The following TLX1 variants were observed in gnomAD, a reference collection of about 807,000 sequenced individuals.
The protein encoded by TLX1 is T-cell leukemia homeobox protein 1.
Under a neutral mutation model 26.5 loss-of-function variants are expected in TLX1, and 6 were observed. That is an observed-to-expected ratio of 0.23 (90% confidence interval 0.12 to 0.45). The LOEUF is 0.45. Among genes scored for constraint, TLX1 ranks in the 20% least tolerant of loss-of-function variants. The pLI is 0.99. For missense variants in TLX1, 418 were observed against 482.6 expected (o/e 0.87, Z 1.25); for synonymous variants, 217 against 219.7 (o/e 0.99, Z 0.11).
rs764284338 is a variant in TLX1, at chr10:101,132,054, C to A, written c.513C>A (p.Gly171=). Residue 171 remains glycine (G), a synonymous_variant, in exon 1 of 3, where the codon GGC becomes GGA. Transcript: ENST00000370196. This position sits in a 1 kb window ranked among gnomAD's most constrained non-coding sequence, Gnocchi z 4.1. The part of the protein sequence containing the change: ...PAMPGVNNLT[G]LTFPWMESNR... ...TGCCGGGCGTCAACAACCTCACTGGCCTCACCTTCCCCTGGATGGAGAGTA... is the reference window on the plus strand; with the variant it reads ...TGCCGGGCGTCAACAACCTCACTGGACTCACCTTCCCCTGGATGGAGAGTA... 11 of 1,495,516 alleles carry A rather than the reference C, an allele frequency of 7.4e-6. No individual in the cohort carries two copies. The highest frequency in any genetic ancestry group is 1.4e-5 in the African/African-American group (1 of 69,046). The allele number at this position is 1,495,516 out of a possible 1,614,324, so 92.6% of individuals were successfully genotyped here.
chr10:101,136,161 A>T (rs566909973), intron 2 of TLX1, among the ~76,000 whole-genome samples: 1 of 152,350 alleles, frequency 6.6e-6, no homozygotes, highest in African/African-American at 2.4e-5. Flanking sequence ...GTCCAGCAGG[A>T]GCCCCGGTAG....
At position 101,134,873 on chromosome 10, in the gene TLX1, C is replaced by G. The variant is rs1050662415; in HGVS notation, c.770+497C>G. On this transcript the variant is annotated intron_variant, in intron 2 of 2. Coordinates refer to ENST00000370196, the MANE Select transcript of TLX1 (RefSeq NM_005521.4). ...GCGGCCCTGCTGACGGTCTCCTCCCCCAGACACCCGGCCTTTGCGCAGCCG... is the reference window on the plus strand; with the variant it reads ...GCGGCCCTGCTGACGGTCTCCTCCCGCAGACACCCGGCCTTTGCGCAGCCG... Among the ~76,000 whole-genome samples the G allele has an allele frequency of 7.2e-5, 11 of 152,358 alleles. No homozygotes were observed. The East Asian group carries it at 1.9e-3, about 27-fold the overall frequency.
rs771395705 is a variant in TLX1 at position 101,131,826 on chromosome 10, T to C, written c.285T>C (p.Gly95=). The C allele has an allele frequency of 2.9e-6, 4 of 1,400,334 alleles. No homozygotes were observed. The highest frequency in any genetic ancestry group is 1.6e-5 in the South Asian group (1 of 61,502). The allele number at this position is 1,400,334 out of a possible 1,614,324, so 86.7% of individuals were successfully genotyped here. Residue 95 remains glycine (G), a synonymous_variant, in exon 1 of 3, where the codon GGT becomes GGC. Coordinates refer to ENST00000370196, the MANE Select transcript of TLX1 (RefSeq NM_005521.4). The part of the protein sequence containing the change: ...PAGGGGACSM[G]PLTGSYNVNM... ...GCGGCGGCGGCGCCTGCAGCATGGG[T>C]CCTCTGACCGGCTCCTACAACGTGA... is the stretch of plus-strand genomic sequence containing the variant.
At chr10:101,134,920 A>C (rs942650247) in intron 2 of TLX1, among the ~76,000 whole-genome samples, 1 of 152,166 alleles carries the variant, frequency 6.6e-6, no homozygotes, top group Non-Finnish European at 1.5e-5. Context: ...GGAAGGAGAA[A>C]ATCAATCCGC....
At position 101,134,304 on chromosome 10, in the gene TLX1, C is replaced by T; in HGVS notation, c.698C>T (p.Ala233Val). ...TACCTGGCCTCGGCCGAGCGCGCCGCCCTGGCCAAGGCGCTCAAAATGACC... is the reference window on the plus strand; with the variant it reads ...TACCTGGCCTCGGCCGAGCGCGCCGTCCTGGCCAAGGCGCTCAAAATGACC... ...QKYLASAERA[A>V]LAKALKMTDA... Residue 233 changes from alanine (A) to valine (V), a missense_variant, in exon 2 of 3, where the codon GCC (alanine) becomes GTC (valine). Ala to Val is a moderately conservative substitution (Grantham distance 64). This residue lies in a region of TLX1 where 18 missense variants were observed against 45.8 expected (regional missense o/e 0.39). Transcript: ENST00000370196. 6.2e-7 allele frequency: 1 copy of T among 1,612,462 alleles called. No homozygotes were observed. Among genetic ancestry groups the T allele is most frequent in the Non-Finnish European group, 8.5e-7 (1 of 1,179,524 alleles).
Position 101,131,945 on chromosome 10 carries a change from C to T in TLX1, c.404C>T (p.Pro135Leu), listed in dbSNP as rs755013563. 6.9e-7 allele frequency: 1 copy of T among 1,449,930 alleles called. No individual in the cohort carries two copies. Among genetic ancestry groups the T allele is most frequent in the Non-Finnish European group, 9.0e-7 (1 of 1,106,396 alleles). 89.8% of individuals were successfully genotyped at this position (1,449,930 alleles called of 1,614,324 possible). A position where few individuals can be genotyped will look rare whatever the true frequency, so the allele number is the denominator to read the frequency against. ...ALSAAGVIRV[P>L]AHRPLAGAVA... Reference sequence around the variant, plus strand: ...AGCGCTGCGGGGGTAATCCGGGTGCCGGCACACAGGCCGCTCGCCGGAGCC... The same window carrying T: ...AGCGCTGCGGGGGTAATCCGGGTGCTGGCACACAGGCCGCTCGCCGGAGCC... Residue 135 changes from proline to leucine, a missense_variant, in exon 1 of 3, where the codon CCG becomes CTG. Pro to Leu is a moderately conservative substitution (Grantham distance 98). Coordinates refer to ENST00000370196, the MANE Select transcript of TLX1 (RefSeq NM_005521.4).
At chr10:101,135,461 T>A (rs1275247000) in intron 2 of TLX1, 1 of 154,408 alleles carries the variant, frequency 6.5e-6, no homozygotes, top group Non-Finnish European at 1.5e-5. Context: ...GGATGCGGCC[T>A]CAGACCTTGG....
In TLX1 at chr10:101,132,817, T is replaced by C. The variant is rs964632343; in HGVS notation, c.568+708T>C. On this transcript the variant is annotated intron_variant, in intron 1 of 2. Transcript: ENST00000370196. This position sits in a 1 kb window ranked among gnomAD's most constrained non-coding sequence, Gnocchi z 4.1. ...GGGCACGAACAATGCACCGGTAGGC[T>C]GGTGATCGGTGGCGGGAAGACTACT... 5.9e-5 allele frequency: 9 copies of C among 152,286 alleles called. No homozygotes were observed. Among genetic ancestry groups the C allele is most frequent in the African/African-American group, 2.2e-4 (9 of 41,454 alleles). The allele number at this position is 152,286 out of a possible 1,614,324, so 9.4% of individuals were successfully genotyped here. A position where few individuals can be genotyped will look rare whatever the true frequency, so the allele number is the denominator to read the frequency against.
At chr10:101,134,040 G>T in intron 1 of TLX1, 135 bp from the exon 2 acceptor site, 1 of 807,150 alleles carries the variant, frequency 1.2e-6, no homozygotes, top group East Asian at 2.8e-5. Context: ...GCTCGTGGGG[G>T]TTCAGCTGCT....
At position 101,137,112 on chromosome 10, in the gene TLX1, C is replaced by T. The variant is rs190562307; in HGVS notation, c.*199C>T. ...GAAGAGCTCAAGGGACAAGGACACG[C>T]GCCCCCCTCCCAGAGGCGTCCCGCA... On this transcript the variant is annotated 3_prime_UTR_variant, in exon 3 of 3. Transcript: ENST00000370196. 456 of 655,510 alleles carry T rather than the reference C, an allele frequency of 7.0e-4. 5 individuals are homozygous for T. In the Admixed American group the frequency reaches 0.012, roughly 17 times the overall value. 40.6% of individuals were successfully genotyped at this position (655,510 alleles called of 1,614,324 possible).
In TLX1 at chr10:101,134,312, A is replaced by C; in HGVS notation, c.706A>C (p.Lys236Gln). The C allele has an allele frequency of 1.2e-6, 2 of 1,612,008 alleles. No individual in the cohort carries two copies. The highest frequency in any genetic ancestry group is 8.5e-7 in the Non-Finnish European group (1 of 1,179,398). The part of the protein sequence containing the change: ...LASAERAALA[K>Q]ALKMTDAQVK... ...CTCGGCCGAGCGCGCCGCCCTGGCC[A>C]AGGCGCTCAAAATGACCGATGCGCA... Residue 236 changes from lysine to glutamine, a missense_variant, in exon 2 of 3, where the codon AAG becomes CAG. By Grantham distance (53) the Lys-to-Gln change is moderately conservative. Around this residue, in one of 3 missense-constraint regions of TLX1, gnomAD observed 18 missense variants for 45.8 expected, o/e 0.39. Coordinates refer to ENST00000370196, the MANE Select transcript of TLX1 (RefSeq NM_005521.4).
chr10:101,133,475 T>A (rs1014500183), intron 1 of TLX1, among the ~76,000 whole-genome samples: 2 of 152,086 alleles, frequency 1.3e-5, no homozygotes, highest in African/African-American at 4.8e-5. Flanking sequence ...GCCCATCCCA[T>A]TCCCCACCCA....
Position 101,136,927 on chromosome 10 carries a change from G to T in TLX1, c.*14G>T. 2 of 1,612,180 alleles carry T rather than the reference G, an allele frequency of 1.2e-6. No homozygotes were observed. The highest frequency in any genetic ancestry group is 1.7e-6 in the Non-Finnish European group (2 of 1,179,024). On this transcript the variant is annotated 3_prime_UTR_variant, in exon 3 of 3. Transcript: ENST00000370196. The stretch of plus-strand genomic sequence containing the variant: ...GCCTGCGAGTGAGCCTGCCCATTCT[G>T]CCCTGTGGGACCCCAGGCCCACTCA...
At chr10:101,135,117 C>T (rs932136143) in intron 2 of TLX1, among the ~76,000 whole-genome samples, 2 of 152,234 alleles carry the variant, frequency 1.3e-5, no homozygotes, top group Non-Finnish European at 1.5e-5. Context: ...CCAACACTCT[C>T]GAGCAGCCTC....
Position 101,132,291 on chromosome 10 carries a change from C to T in TLX1, c.568+182C>T, listed in dbSNP as rs1940196366. On this transcript the variant is annotated intron_variant, in intron 1 of 2. Coordinates refer to ENST00000370196, the MANE Select transcript of TLX1 (RefSeq NM_005521.4). The surrounding 1 kb of genome is among the most constrained non-coding windows in gnomAD (Gnocchi z 4.1). Reference sequence around the variant, plus strand: ...GCAGACTCGCCATGCTTGAAGAGTTCTCTCAGCCTGGACCCCTCTCTGTCT... The same window carrying T: ...GCAGACTCGCCATGCTTGAAGAGTTTTCTCAGCCTGGACCCCTCTCTGTCT... Among the ~76,000 whole-genome samples the T allele has an allele frequency of 6.6e-6, 1 of 152,202 alleles. No individual in the cohort carries two copies.
Position 101,131,604 on chromosome 10 carries a change from C to A in TLX1, c.63C>A (p.Ile21=), listed in dbSNP as rs1404462096. 1 of 1,564,782 alleles carries A rather than the reference C, an allele frequency of 6.4e-7. No homozygotes were observed. Among genetic ancestry groups the A allele is most frequent in the Non-Finnish European group, 8.6e-7 (1 of 1,158,726 alleles). The change falls in exon 1 of 3, where the codon ATC becomes ATA. Residue 21 remains isoleucine, a synonymous_variant. Coordinates refer to ENST00000370196, the MANE Select transcript of TLX1 (RefSeq NM_005521.4). The part of the protein sequence containing the change: ...PGHAEPISFG[I]DQILNSPDQG... The stretch of plus-strand genomic sequence containing the variant: ...ACGCAGAGCCCATTAGCTTCGGCAT[C>A]GACCAGATCCTCAACAGCCCGGACC...
chr10:101,137,273 C>A lies in TLX1; in HGVS notation c.*360C>A. On this transcript the variant is annotated 3_prime_UTR_variant, in exon 3 of 3. Transcript: ENST00000370196. ...CCCCAGGGCTGTCATCTGAATTTGC[C>A]CTGGGAAACCCCTTCTCTGTGACCC... 1 of 339,980 alleles carries A rather than the reference C, an allele frequency of 2.9e-6. No homozygotes were observed. The highest frequency in any genetic ancestry group is 5.4e-6 in the Non-Finnish European group (1 of 184,066). 21.1% of individuals were successfully genotyped at this position (339,980 alleles called of 1,614,324 possible). A position where few individuals can be genotyped will look rare whatever the true frequency, so the allele number is the denominator to read the frequency against.
chr10:101,131,524 G>C lies in TLX1; in HGVS notation c.-18G>C, dbSNP rs1366295145. 7.0e-7 allele frequency: 1 copy of C among 1,425,842 alleles called. No individual in the cohort carries two copies. Among genetic ancestry groups the C allele is most frequent in the African/African-American group, 1.5e-5 (1 of 66,740 alleles). 88.3% of individuals were successfully genotyped at this position (1,425,842 alleles called of 1,614,324 possible). ...GCGAGCGCCGCCGCCCGGGCCCCCC[G>C]GTGGGGCCAGGGCCAGCATGGAGCA... On this transcript the variant is annotated 5_prime_UTR_variant, in exon 1 of 3. Transcript: ENST00000370196.
chr10:101,132,145 GC>G lies in TLX1; in HGVS notation c.568+39del, dbSNP rs765824528. 10 of 1,327,036 alleles carry G rather than the reference GC, an allele frequency of 7.5e-6. No homozygotes were observed. The highest frequency in any genetic ancestry group is 8.6e-6 in the Non-Finnish European group (9 of 1,041,018). 82.2% of individuals were successfully genotyped at this position (1,327,036 alleles called of 1,614,324 possible). A position where few individuals can be genotyped will look rare whatever the true frequency, so the allele number is the denominator to read the frequency against. The stretch of plus-strand genomic sequence containing the variant: ...CCCGCGCGCTCCCCGCCTGGCCGCG[GC>G]CCGGGCTCCGTGCTACCCCTGCCCC... On this transcript the variant is annotated intron_variant, in intron 1 of 2. Transcript: ENST00000370196. This position sits in a 1 kb window ranked among gnomAD's most constrained non-coding sequence, Gnocchi z 4.1.
Sources: allele counts gnomAD v4.1 joint callset (sites outside exome capture counted in the v4.1 genomes callset), GRCh38; gene constraint gnomAD v4.1.1; regional missense constraint gnomAD v4.1.1; non-coding constraint Gnocchi (gnomAD v3.1); transcripts MANE v1.5; gene names NCBI Gene and HGNC (gene_info 2026-07-23, HGNC 2026-07-21).